Variants in MAGI1 observed in about 807,000 individuals in gnomAD.
The protein encoded by MAGI1 is membrane-associated guanylate kinase, WW and PDZ domain-containing protein 1.
MAGI1 carries 58 observed loss-of-function variants against 139.9 expected under a neutral mutation model. That is an observed-to-expected ratio of 0.41 (90% CI 0.34 to 0.52). The LOEUF is 0.52. Ranked by LOEUF, MAGI1 falls within the 20% of genes least tolerant of loss-of-function variation. The pLI, the probability that MAGI1 is intolerant of heterozygous loss-of-function variation, is 0.12. For synonymous variants in MAGI1, 812 were observed against 737.9 expected (o/e 1.10, Z -1.63); for missense variants, 1,874 against 1,901.6 (o/e 0.99, Z 0.27).
At chr3:65,989,645 C>A (rs4688256) in intron 1 of MAGI1, among the ~76,000 whole-genome samples, 5 of 152,036 alleles carry the variant, frequency 3.3e-5, no homozygotes, top group East Asian at 1.9e-4. Context: ...TCAAGTGATC[C>A]TCCTGCCTCA....
chr3:65,546,893 A>T (rs1349040844), intron 2 of MAGI1, among the ~76,000 whole-genome samples: 1 of 152,218 alleles, frequency 6.6e-6, no homozygotes, highest in African/African-American at 2.4e-5. Flanking sequence ...AAGGTCTTCT[A>T]ATTTCAAATG....
chr3:65,950,364 T>C (rs1002106111), intron 1 of MAGI1, among the ~76,000 whole-genome samples: 40 of 152,168 alleles, frequency 2.6e-4, no homozygotes, highest in African/African-American at 8.9e-4. Flanking sequence ...AGAACCCTCC[T>C]GGTAAGGGTA....
intron 1 of MAGI1, among the ~76,000 whole-genome samples, chr3:65,815,448 G>A (rs114142024): frequency 1.3e-5 from 2 of 152,102 alleles, no homozygotes; most frequent in African/African-American, 2.4e-5. Context: ...GCCTTCCTAC[G>A]CCAAAATACC....
chr3:65,812,963 A>G (rs2041372435), intron 1 of MAGI1, among the ~76,000 whole-genome samples: 1 of 151,676 alleles, frequency 6.6e-6, no homozygotes, highest in Admixed American at 6.6e-5. Context: ...CGACCGCCTC[A>G]GCCTCGCAAA....
chr3:65,851,430 T>A (rs933454969), intron 1 of MAGI1, among the ~76,000 whole-genome samples: 1 of 152,100 alleles, frequency 6.6e-6, no homozygotes, highest in East Asian at 1.9e-4. Context: ...TGATGGAGTG[T>A]AAGCTTGCAA....
intron 1 of MAGI1, among the ~76,000 whole-genome samples, chr3:65,747,837 A>T (rs2035825943): frequency 6.6e-6 from 1 of 152,184 alleles, no homozygotes; most frequent in Non-Finnish European, 1.5e-5. Context: ...AAAAGAGTCT[A>T]AAAGAATGTC....
intron 1 of MAGI1, among the ~76,000 whole-genome samples, chr3:65,723,792 G>C (rs764017687): frequency 6.6e-6 from 1 of 152,174 alleles, no homozygotes; most frequent in African/African-American, 2.4e-5. Context: ...TTTTGGTGGA[G>C]AACTTATGCT....
intron 1 of MAGI1, among the ~76,000 whole-genome samples, chr3:65,712,372 G>A (rs2031572583): frequency 6.7e-6 from 1 of 149,964 alleles, no homozygotes; most frequent in Non-Finnish European, 1.5e-5. Flanking sequence ...AGCAACAACT[G>A]CCAGACATGT....
chr3:65,425,119 A>C (rs1481743014), intron 12 of MAGI1, among the ~76,000 whole-genome samples: 5 of 53,320 alleles, frequency 9.4e-5, no homozygotes, highest in African/African-American at 3.1e-4. Flanking sequence ...AAAAAAAAAA[A>C]AAAAAAAAAA....
chr3:65,799,610 A>G (rs899203115), intron 1 of MAGI1, among the ~76,000 whole-genome samples: 40 of 152,282 alleles, frequency 2.6e-4, no homozygotes, highest in Admixed American at 7.2e-4. Flanking sequence ...AAAGTATACT[A>G]TAGAATTTGG....
chr3:65,537,975 A>G (rs969927875), intron 2 of MAGI1, among the ~76,000 whole-genome samples: 1 of 152,016 alleles, frequency 6.6e-6, no homozygotes, highest in African/African-American at 2.4e-5. Flanking sequence ...AAAATTAATA[A>G]AAAAATAAAA....
chr3:65,886,985 T>C (rs2060559033), intron 1 of MAGI1, among the ~76,000 whole-genome samples: 1 of 152,124 alleles, frequency 6.6e-6, no homozygotes, highest in East Asian at 1.9e-4. Flanking sequence ...TTTAAGAAAA[T>C]AAAGTACCTA....
chr3:65,987,248 A>G (rs1424786832), intron 1 of MAGI1, among the ~76,000 whole-genome samples: 1 of 152,126 alleles, frequency 6.6e-6, no homozygotes, highest in Non-Finnish European at 1.5e-5. Flanking sequence ...GGGAGGGAAG[A>G]GCTTGAACTC....
At chr3:65,604,040 A>G (rs1195925261) in intron 2 of MAGI1, among the ~76,000 whole-genome samples, 1 of 152,234 alleles carries the variant, frequency 6.6e-6, no homozygotes, top group East Asian at 1.9e-4. Context: ...ATACATTCAC[A>G]TTATAGCACT....
At chr3:65,533,576 G>A (rs189605286) in intron 2 of MAGI1, among the ~76,000 whole-genome samples, 15 of 152,178 alleles carry the variant, frequency 9.9e-5, no homozygotes, top group South Asian at 4.2e-4. Context: ...AAATTCCATC[G>A]GTGTACCATG....
intron 4 of MAGI1, among the ~76,000 whole-genome samples, chr3:65,477,403 C>T (rs977148636): frequency 3.9e-5 from 6 of 152,086 alleles, no homozygotes; most frequent in African/African-American, 1.4e-4. Context: ...CAAACAATGA[C>T]CAAAGTATAA....
At chr3:66,002,894 G>GT (rs2066821826) in intron 1 of MAGI1, among the ~76,000 whole-genome samples, 1 of 152,152 alleles carries the variant, frequency 6.6e-6, no homozygotes, top group South Asian at 2.1e-4. Flanking sequence ...AACAAGCATA[G>GT]TAAGGGCCAT....
intron 1 of MAGI1, among the ~76,000 whole-genome samples, chr3:65,932,667 C>G (rs2062859040): frequency 6.6e-6 from 1 of 152,098 alleles, no homozygotes; most frequent in African/African-American, 2.4e-5. Flanking sequence ...GTGACTAAAG[C>G]CATCATATAA....
intron 1 of MAGI1, among the ~76,000 whole-genome samples, chr3:65,943,549 G>A (rs1317309881): frequency 6.6e-6 from 1 of 151,742 alleles, no homozygotes; most frequent in Admixed American, 6.6e-5. Flanking sequence ...CTCCAGCCCA[G>A]GTGACAGTGC....
Sources: gnomAD v4.1 joint callset for allele counts (sites outside exome capture counted in the v4.1 genomes callset) on GRCh38, gnomAD v4.1.1 for gene constraint, MANE v1.5 for transcripts, NCBI Gene and HGNC (gene_info 2026-07-23, HGNC 2026-07-21) for gene names.